Variants in LSAMP observed in about 807,000 individuals in gnomAD.
LSAMP encodes the protein limbic system associated membrane protein, also known as limbic system-associated membrane protein.
A neutral mutation model predicts 38.6 loss-of-function variants in LSAMP; 7 were observed. The ratio of observed to expected loss-of-function variants is 0.18; its 90% CI spans 0.10 to 0.34. The LOEUF is 0.34. LSAMP is among the 10% of genes least tolerant of loss of function. LSAMP has a pLI of 1.00. For synonymous variants in LSAMP, 154 were observed against 166.8 expected, an observed-to-expected ratio of 0.92 and a Z score of 0.59; for missense variants, 313 against 420.0, an observed-to-expected ratio of 0.75 and a Z score of 2.23.
chr3:116,073,583 T>C (rs932921346), intron 2 of LSAMP, among the ~76,000 whole-genome samples: 6 of 152,212 alleles, frequency 3.9e-5, no homozygotes, highest in Admixed American at 6.5e-5. Context: ...TCCTCTCTGA[T>C]TTCCTTGAGC....
At chr3:116,210,243 C>A (rs984868737) in intron 1 of LSAMP, among the ~76,000 whole-genome samples, 2 of 152,034 alleles carry the variant, frequency 1.3e-5, no homozygotes, top group African/African-American at 4.8e-5. Flanking sequence ...AAGTATTGTT[C>A]CTGGGTGTGT....
Position 115,815,316 on chromosome 3 carries a change from T to C in LSAMP, c.920-4902A>G, listed in dbSNP as rs896981800. Among the ~76,000 whole-genome samples the C allele has an allele frequency of 5.9e-5, 9 of 152,194 alleles. No individual in the cohort carries two copies. In the East Asian group the frequency reaches 1.5e-3, roughly 26 times the overall value. On this transcript the variant is annotated intron_variant, in intron 6 of 6. Transcript: ENST00000490035. ...CGTATATAGGTAGGGTTCTGTACTA[T>C]CTGCAGTTTCAGGCATCCACTGGGG...
chr3:115,884,194 T>C (rs1188492102), intron 3 of LSAMP, among the ~76,000 whole-genome samples: 1 of 151,984 alleles, frequency 6.6e-6, no homozygotes, highest in Non-Finnish European at 1.5e-5. Context: ...GATGTAGTAA[T>C]AATGGGTGAA....
chr3:116,209,352 T>C (rs890238235), intron 1 of LSAMP, among the ~76,000 whole-genome samples: 5 of 152,196 alleles, frequency 3.3e-5, no homozygotes, highest in Non-Finnish European at 5.9e-5. Flanking sequence ...GCAGAAATCA[T>C]CCGTCTTCTG....
intron 3 of LSAMP, among the ~76,000 whole-genome samples, chr3:116,010,136 C>G (rs1024388740): frequency 2.0e-4 from 30 of 152,192 alleles, no homozygotes; most frequent in African/African-American, 7.2e-4. Context: ...AGCCTGGTCT[C>G]GAACTCCTGA....
chr3:115,807,149 A>G lies in LSAMP; in HGVS notation c.*3168T>C, dbSNP rs911586889. On this transcript the variant is annotated 3_prime_UTR_variant, in exon 7 of 7. Coordinates refer to ENST00000490035, the MANE Select transcript of LSAMP (RefSeq NM_002338.5). Reference sequence around the variant, plus strand: ...AAGATTCTTGAAGGAATTTATTCCAATATGATTAACTAAATTCCAAGAAGT... The same window carrying G: ...AAGATTCTTGAAGGAATTTATTCCAGTATGATTAACTAAATTCCAAGAAGT... The G allele has an allele frequency of 6.6e-6, 1 of 152,174 alleles. No homozygotes were observed. Among genetic ancestry groups the G allele is most frequent in the Non-Finnish European group, 1.5e-5 (1 of 68,032 alleles). 9.4% of individuals were successfully genotyped at this position (152,174 alleles called of 1,614,324 possible). A position where few individuals can be genotyped will look rare whatever the true frequency, so the allele number is the denominator to read the frequency against.
intron 1 of LSAMP, among the ~76,000 whole-genome samples, chr3:116,306,609 G>T (rs140086252): frequency 4.3e-4 from 65 of 152,058 alleles, no homozygotes; most frequent in African/African-American, 1.5e-3. Context: ...TCATCCCTGG[G>T]CTTAGTGGAA....
At chr3:116,201,219 G>T (rs1363042334) in intron 1 of LSAMP, among the ~76,000 whole-genome samples, 1 of 152,068 alleles carries the variant, frequency 6.6e-6, no homozygotes, top group Non-Finnish European at 1.5e-5. Context: ...CATGTGCCCA[G>T]ACTGTTAATT....
chr3:115,980,675 G>A lies in LSAMP; in HGVS notation c.514+38840C>T, dbSNP rs565586948. Among the ~76,000 whole-genome samples the A allele has an allele frequency of 6.6e-5, 10 of 152,226 alleles. No homozygotes were observed. The South Asian group carries it at 1.2e-3, about 19-fold the overall frequency. ...ATCTGTGGGTTATTACCTGTACTGAGTCTTTTGAGATTCATCCACTTCTAT... is the reference window on the plus strand; with the variant it reads ...ATCTGTGGGTTATTACCTGTACTGAATCTTTTGAGATTCATCCACTTCTAT... On this transcript the variant is annotated intron_variant, in intron 3 of 6. Transcript: ENST00000490035.
chr3:116,036,915 T>C (rs549658030), intron 2 of LSAMP, among the ~76,000 whole-genome samples: 1 of 152,282 alleles, frequency 6.6e-6, no homozygotes, highest in South Asian at 2.1e-4. Context: ...GCATAGCTGC[T>C]GGAATAAATG....
chr3:116,090,212 A>G (rs971688932), intron 1 of LSAMP, among the ~76,000 whole-genome samples: 1 of 107,488 alleles, frequency 9.3e-6, no homozygotes, highest in Non-Finnish European at 2.2e-5. Flanking sequence ...ACCTTGTCTA[A>G]AAAAAAAAAA....
Position 116,398,345 on chromosome 3 carries a change from C to T in LSAMP, c.155+46532G>A, listed in dbSNP as rs373635838. 3.9e-5 allele frequency among the ~76,000 whole-genome samples: 6 copies of T among 152,068 alleles called. No individual in the cohort carries two copies. In the East Asian group the frequency reaches 7.7e-4, roughly 20 times the overall value. On this transcript the variant is annotated intron_variant, in intron 1 of 6. Transcript: ENST00000490035. ...TGAGAAAAGGAGAAATGAAGAGAGACTAAGATGATCATGTGTAATCAGAGA... is the reference window on the plus strand; with the variant it reads ...TGAGAAAAGGAGAAATGAAGAGAGATTAAGATGATCATGTGTAATCAGAGA...
At chr3:115,867,776 G>A (rs758257456) in intron 3 of LSAMP, among the ~76,000 whole-genome samples, 14 of 152,266 alleles carry the variant, frequency 9.2e-5, no homozygotes, top group East Asian at 1.9e-4. Flanking sequence ...GTTTTGGTTG[G>A]TTGAGTCTAA....
chr3:116,318,652 A>G (rs1248889683), intron 1 of LSAMP, among the ~76,000 whole-genome samples: 1 of 152,262 alleles, frequency 6.6e-6, no homozygotes, highest in African/African-American at 2.4e-5. Context: ...CTAGCATTCA[A>G]TGTAAACATC....
chr3:116,265,998 A>T (rs1047126469), intron 1 of LSAMP, among the ~76,000 whole-genome samples: 4 of 151,070 alleles, frequency 2.6e-5, no homozygotes, highest in Non-Finnish European at 5.9e-5. Context: ...AGAATGGGGG[A>T]GGAAAGATTT....
chr3:116,285,816 G>A (rs1001072097), intron 1 of LSAMP, among the ~76,000 whole-genome samples: 1 of 152,054 alleles, frequency 6.6e-6, no homozygotes, highest in Admixed American at 6.6e-5. Flanking sequence ...ACACAAAACA[G>A]TTAGTTGTAA....
At chr3:116,185,343 C>T (rs1378031047) in intron 1 of LSAMP, among the ~76,000 whole-genome samples, 3 of 151,944 alleles carry the variant, frequency 2.0e-5, no homozygotes, top group Non-Finnish European at 2.9e-5. Flanking sequence ...CAGCTCTTAA[C>T]CCTGAATATT....
At chr3:115,889,254 G>C (rs1237472177) in intron 3 of LSAMP, among the ~76,000 whole-genome samples, 2 of 151,892 alleles carry the variant, frequency 1.3e-5, no homozygotes, top group Non-Finnish European at 2.9e-5. Flanking sequence ...CTACTCTTTT[G>C]AAATTAAGTA....
intron 1 of LSAMP, among the ~76,000 whole-genome samples, chr3:116,353,724 AT>A (rs2048181301): frequency 6.6e-6 from 1 of 152,000 alleles, no homozygotes; most frequent in South Asian, 2.1e-4. Context: ...CAAACAATTC[AT>A]TTTCCATCCC....
Sources: gnomAD v4.1 joint callset for allele counts (sites outside exome capture counted in the v4.1 genomes callset) on GRCh38, gnomAD v4.1.1 for gene constraint, MANE v1.5 for transcripts, NCBI Gene and HGNC (gene_info 2026-07-23, HGNC 2026-07-21) for gene names.